NBPF6: variants seen among roughly 807,000 people sequenced by gnomAD.
NBPF6 encodes NBPF member 6.
In NBPF6, 2 loss-of-function variants were observed where a neutral mutation model predicts 20.8. The observed-to-expected ratio is 0.10, with a 90% CI of 0.04 to 0.30. The LOEUF (loss-of-function observed/expected upper bound fraction) is 0.30. Among genes scored for constraint, NBPF6 ranks in the 10% least tolerant of loss-of-function variants. The pLI is 1.00. For missense variants in NBPF6, 85 were observed against 260.3 expected, an observed-to-expected ratio of 0.33 and a Z score of 4.63; for synonymous variants, 24 against 100.0, an observed-to-expected ratio of 0.24 and a Z score of 4.53.
rs1205166924 is a variant in NBPF6 at position 108,469,550 on chromosome 1, TG to T, written c.1876-1043del. Among the ~76,000 whole-genome samples, 3 of 149,484 alleles carry T rather than the reference TG, an allele frequency of 2.0e-5. 1 individual carries two copies. The highest frequency in any genetic ancestry group is 4.4e-5 in the Non-Finnish European group (3 of 67,608). ...AAAGAAACCTTTCTCATAATGTACT[TG>T]GGGAAAACAATAAGCGGGACGGGAG... On this transcript the variant is annotated intron_variant, in intron 14 of 14. Coordinates refer to ENST00000495380, the MANE Select transcript of NBPF6 (RefSeq NM_001143988.2).
upstream of NBPF6, among the ~76,000 whole-genome samples, chr1:108,448,490 G>A (rs1297392404): frequency 1.5e-4 from 21 of 140,064 alleles, no homozygotes; most frequent in African/African-American, 5.4e-4. Flanking sequence ...TCTGAATTTC[G>A]GTCCCAATGC....
the NBPF6 span, among the ~76,000 whole-genome samples, chr1:108,437,747 A>AAAGG: frequency 0.11 from 3,631 of 32,840 alleles, 223 homozygotes; most frequent in East Asian, 0.24. Flanking sequence ...GGAAGGAAGG[A>AAAGG]AAGGAAGGAA....
In NBPF6 at chr1:108,452,978, GTT is replaced by G. The variant is rs763674816; in HGVS notation, c.279-201_279-200del. 9.8e-4 allele frequency among the ~76,000 whole-genome samples: 45 copies of G among 45,994 alleles called. 8 individuals are homozygous for G. The highest frequency in any genetic ancestry group is 4.0e-3 in the East Asian group (7 of 1,758). The allele number at this position is 45,994 out of a possible 152,430, so 30.2% of individuals were successfully genotyped here. A position where few individuals can be genotyped will look rare whatever the true frequency, so the allele number is the denominator to read the frequency against. Reference sequence around the variant, plus strand: ...TGTGTGTGTGTGTGTGTGTATGTTTGTTTGTGTGTGTGTGTGTGTGTGTGTGT... The same window carrying G: ...TGTGTGTGTGTGTGTGTGTATGTTTGTGTGTGTGTGTGTGTGTGTGTGTGT... On this transcript the variant is annotated intron_variant, in intron 3 of 14. Transcript: ENST00000495380.
the NBPF6 span, among the ~76,000 whole-genome samples, chr1:108,441,983 TA>T: frequency 6.9e-5 from 1 of 14,570 alleles, no homozygotes. Context: ...CACACAACAT[TA>T]AAAAAAAACT....
At chr1:108,437,768 G>GGA in the NBPF6 span, among the ~76,000 whole-genome samples, 246 of 24,412 alleles carry the variant, frequency 0.01, 5 homozygotes, top group African/African-American at 0.028. Flanking sequence ...GGAAGGAAGG[G>GGA]AGGGAGGGAG....
At chr1:108,467,923 CAGG>C (rs575856944) in intron 14 of NBPF6, among the ~76,000 whole-genome samples, 1,685 of 150,996 alleles carry the variant, frequency 0.011, 122 homozygotes, top group African/African-American at 0.038. Context: ...ACAGGAGAGC[CAGG>C]CCTCCTTGTC....
At chr1:108,436,728 A>T in the NBPF6 span, among the ~76,000 whole-genome samples, 1 of 92,618 alleles carries the variant, frequency 1.1e-5, no homozygotes, top group African/African-American at 3.4e-5. Context: ...AAAAATATTT[A>T]AAAATGTATA....
intron 14 of NBPF6, among the ~76,000 whole-genome samples, chr1:108,469,899 C>G (rs1571385622): frequency 6.9e-6 from 1 of 143,954 alleles, no homozygotes; most frequent in South Asian, 2.3e-4. Flanking sequence ...TATTCCTGTC[C>G]TAGCCAAGGT....
At chr1:108,469,845 C>T (rs1248707055) in intron 14 of NBPF6, among the ~76,000 whole-genome samples, 7 of 149,864 alleles carry the variant, frequency 4.7e-5, no homozygotes, top group Non-Finnish European at 1.0e-4. Flanking sequence ...TTTTTTTAAC[C>T]AACCAAAGAA....
rs1348187551 is a variant in NBPF6 at position 108,471,413 on chromosome 1, G to T, written c.*775G>T. On this transcript the variant is annotated 3_prime_UTR_variant, in exon 15 of 15. Transcript: ENST00000495380. ...CTCAGCCCATCTGCAGGCAGAGAAGGCCCAGTGTGTCCATCCCCAGTGCGG... is the reference window on the plus strand; with the variant it reads ...CTCAGCCCATCTGCAGGCAGAGAAGTCCCAGTGTGTCCATCCCCAGTGCGG... 6.6e-6 allele frequency among the ~76,000 whole-genome samples: 1 copy of T among 152,188 alleles called. No individual in the cohort carries two copies. Among genetic ancestry groups the T allele is most frequent in the African/African-American group, 2.4e-5 (1 of 41,444 alleles).
chr1:108,452,809 C>A (rs1652912099), intron 3 of NBPF6, among the ~76,000 whole-genome samples: 1 of 75,560 alleles, frequency 1.3e-5, no homozygotes, highest in Non-Finnish European at 3.2e-5. Flanking sequence ...CATAGAGATG[C>A]CCATGGCCAA....
At chr1:108,451,408 G>C (rs1363258600) in intron 2 of NBPF6, among the ~76,000 whole-genome samples, 2 of 114,176 alleles carry the variant, frequency 1.8e-5, no homozygotes, top group African/African-American at 5.9e-5. Context: ...ACATTGTAGA[G>C]GTAGCAGTGT....
chr1:108,470,669 T>C lies in NBPF6; in HGVS notation c.*31T>C, dbSNP rs1324877059. On this transcript the variant is annotated 3_prime_UTR_variant, in exon 15 of 15. Transcript: ENST00000495380. Reference sequence around the variant, plus strand: ...TGTCACAAAAAGCAGCTTTTCCACTTGATAAAAACAACTAAAACAGCAAAG... The same window carrying C: ...TGTCACAAAAAGCAGCTTTTCCACTCGATAAAAACAACTAAAACAGCAAAG... The C allele has an allele frequency of 7.8e-6, 12 of 1,544,448 alleles. No homozygotes were observed. The highest frequency in any genetic ancestry group is 1.0e-5 in the Non-Finnish European group (12 of 1,143,036).
chr1:108,429,620 T>C, the NBPF6 span, among the ~76,000 whole-genome samples: 1 of 148,470 alleles, frequency 6.7e-6, no homozygotes, highest in Admixed American at 6.7e-5. Flanking sequence ...TCAATTTCCA[T>C]GTAGTCGTGT....
chr1:108,447,809 A>G (rs1280288192), upstream of NBPF6, among the ~76,000 whole-genome samples: 5 of 143,548 alleles, frequency 3.5e-5, no homozygotes, highest in Admixed American at 2.7e-4. Context: ...TCTGAGAGAC[A>G]ATGAGTGGCA....
At chr1:108,450,332 C>A, upstream of NBPF6, 1 of 155,814 alleles carries the variant, frequency 6.4e-6, no homozygotes, top group Non-Finnish European at 9.4e-6. Flanking sequence ...ACACTGGCTG[C>A]TACCTCCCTC....
the NBPF6 span, among the ~76,000 whole-genome samples, chr1:108,430,814 T>C: frequency 1.5e-5 from 1 of 67,656 alleles, no homozygotes; most frequent in African/African-American, 4.4e-5. Context: ...GGTAGATCTT[T>C]TTGTGGAGTA....
In NBPF6 at chr1:108,471,471, G is replaced by T. The variant is rs1571387240; in HGVS notation, c.*833G>T. ...AGGATGTTCACTTGGTCAAGGAGGG[G>T]TCTAGGAGCTCTGTCCCTTGTAAAG... is the stretch of plus-strand genomic sequence containing the variant. On this transcript the variant is annotated 3_prime_UTR_variant, in exon 15 of 15. Transcript: ENST00000495380. Among the ~76,000 whole-genome samples the T allele has an allele frequency of 6.6e-6, 1 of 152,178 alleles. No homozygotes were observed. Among genetic ancestry groups the T allele is most frequent in the East Asian group, 1.9e-4 (1 of 5,198 alleles).
rs979473602 is a variant in NBPF6, at chr1:108,471,174, C to T, written c.*536C>T. Reference sequence around the variant, plus strand: ...CAAAAAGAGTAAAAAGCCTATGCAGCTTATGCTTTTTTAGTCATTTTGAAC... The same window carrying T: ...CAAAAAGAGTAAAAAGCCTATGCAGTTTATGCTTTTTTAGTCATTTTGAAC... On this transcript the variant is annotated 3_prime_UTR_variant, in exon 15 of 15. Transcript: ENST00000495380. Among the ~76,000 whole-genome samples the T allele has an allele frequency of 1.3e-5, 2 of 152,132 alleles. No individual in the cohort carries two copies. The highest frequency in any genetic ancestry group is 2.9e-5 in the Non-Finnish European group (2 of 68,028).
Sources: gnomAD v4.1 joint callset for allele counts (sites outside exome capture counted in the v4.1 genomes callset) on GRCh38, gnomAD v4.1.1 for gene constraint, MANE v1.5 for transcripts, NCBI Gene and HGNC (gene_info 2026-07-23, HGNC 2026-07-21) for gene names.